The following DPP10 variants were observed in gnomAD, a reference collection of about 807,000 sequenced individuals.
DPP10 encodes inactive dipeptidyl peptidase 10.
DPP10 carries 33 observed loss-of-function variants against 120.9 expected under a neutral mutation model. That is an observed-to-expected ratio of 0.27 (90% CI 0.21 to 0.37). The LOEUF is 0.37. DPP10 is among the 10% of genes least tolerant of loss of function. The probability of loss-of-function intolerance (pLI) is 1.00; values close to 1 mark genes in which losing one functional copy is unlikely to be tolerated. For missense variants in DPP10, 816 were observed against 942.8 expected, an observed-to-expected ratio of 0.87 and a Z score of 1.76; for synonymous variants, 337 against 326.1, an observed-to-expected ratio of 1.03 and a Z score of -0.36.
intron 3 of DPP10, among the ~76,000 whole-genome samples, chr2:115,353,138 T>C (rs62167321): frequency 0.023 from 3,460 of 152,228 alleles, 79 homozygotes; most frequent in Non-Finnish European, 0.034. Context: ...AAACAGATGT[T>C]GCAACTAGGA....
intron 1 of DPP10, among the ~76,000 whole-genome samples, chr2:114,443,573 C>T (rs1573366127): frequency 1.3e-5 from 2 of 151,886 alleles, no homozygotes; most frequent in East Asian, 3.9e-4. Context: ...TCCAAGAAGG[C>T]TTATAAACGA....
chr2:114,460,182 T>TATC (rs1678808358), intron 1 of DPP10, among the ~76,000 whole-genome samples: 1 of 76,150 alleles, frequency 1.3e-5, no homozygotes, highest in Non-Finnish European at 3.4e-5. Flanking sequence ...TCTATCTATC[T>TATC]ATCTATCTAT....
intron 1 of DPP10, among the ~76,000 whole-genome samples, chr2:114,750,174 C>G (rs1486417396): frequency 1.3e-5 from 2 of 151,758 alleles, no homozygotes; most frequent in African/African-American, 4.8e-5. Flanking sequence ...GCAAAAATGT[C>G]ATGAAGGCAA....
chr2:115,484,146 C>CA (rs149781008), intron 3 of DPP10, among the ~76,000 whole-genome samples: 17,476 of 151,156 alleles, frequency 0.12, 2,422 homozygotes, highest in African/African-American at 0.32. Flanking sequence ...TACACCCCCC[C>CA]CCCACACACA....
chr2:115,750,107 A>C, intron 10 of DPP10: 1 of 985,368 alleles, frequency 1.0e-6, no homozygotes, highest in Non-Finnish European at 1.2e-6. Context: ...TGGTCGTGGA[A>C]CACCAGATCT....
chr2:115,514,251 GA>G (rs962927568), intron 4 of DPP10, among the ~76,000 whole-genome samples: 3 of 151,438 alleles, frequency 2.0e-5, no homozygotes, highest in African/African-American at 7.3e-5. Context: ...TTTTTGAGCA[GA>G]ATTTTTTTGA....
chr2:115,774,171 A>G (rs1290632754), intron 13 of DPP10, among the ~76,000 whole-genome samples: 1 of 150,980 alleles, frequency 6.6e-6, no homozygotes, highest in Non-Finnish European at 1.5e-5. Flanking sequence ...ACTCATGGCA[A>G]TTTTAATGTT....
In DPP10 at chr2:114,753,882, C is replaced by T. The variant is rs531762916; in HGVS notation, c.60+311044C>T. Among the ~76,000 whole-genome samples, 84 of 127,018 alleles carry T rather than the reference C, an allele frequency of 6.6e-4. 2 individuals are homozygous for T. The highest frequency in any genetic ancestry group is 6.2e-3 in the Admixed American group (63 of 10,160). 83.3% of individuals were successfully genotyped at this position (127,018 alleles called of 152,430 possible). ...CCAGATGGCGCCACTGAACTCCAGC[C>T]TGGGTGACAGAGTGAGACTCCTTCT... is the stretch of plus-strand genomic sequence containing the variant. On this transcript the variant is annotated intron_variant, in intron 1 of 25. Transcript: ENST00000410059.
chr2:115,726,874 A>G (rs1267429048), intron 7 of DPP10, among the ~76,000 whole-genome samples: 1 of 152,064 alleles, frequency 6.6e-6, no homozygotes, highest in African/African-American at 2.4e-5. Flanking sequence ...CCATGCTAGG[A>G]TACAGGGGCC....
At chr2:114,567,654 A>G (rs920512237) in intron 1 of DPP10, among the ~76,000 whole-genome samples, 15 of 152,210 alleles carry the variant, frequency 9.9e-5, no homozygotes, top group African/African-American at 3.1e-4. Flanking sequence ...TGGTTTCTAC[A>G]TTAGTAGTAA....
chr2:115,212,722 T>C (rs529297157), intron 1 of DPP10, among the ~76,000 whole-genome samples: 3 of 152,260 alleles, frequency 2.0e-5, no homozygotes, highest in South Asian at 4.1e-4. Flanking sequence ...AGATAAAATA[T>C]TACCTTGACA....
Position 115,768,965 on chromosome 2 carries a change from G to A in DPP10, c.1221+561G>A, listed in dbSNP as rs77490414. 6.0e-3 allele frequency among the ~76,000 whole-genome samples: 907 copies of A among 150,948 alleles called. 28 individuals carry two copies. Among genetic ancestry groups the A allele is most frequent in the Admixed American group, 0.046 (699 of 15,148 alleles). On this transcript the variant is annotated intron_variant, in intron 13 of 25. Transcript: ENST00000410059. ...TCTATGTTTTTTTTTTAGACTTTCCGATAAAAAGAGGGGAAAGGTTACTTT... is the reference window on the plus strand; with the variant it reads ...TCTATGTTTTTTTTTTAGACTTTCCAATAAAAAGAGGGGAAAGGTTACTTT...
intron 1 of DPP10, among the ~76,000 whole-genome samples, chr2:115,186,224 T>C (rs1025438320): frequency 6.6e-6 from 1 of 152,272 alleles, no homozygotes; most frequent in Non-Finnish European, 1.5e-5. Context: ...AGCTTTGTTC[T>C]GTTTTACGTG....
intron 21 of DPP10, among the ~76,000 whole-genome samples, chr2:115,817,126 T>C (rs1687327797): frequency 1.3e-5 from 2 of 151,732 alleles, no homozygotes. Flanking sequence ...CGGGCGCCTG[T>C]AGTCCCAGCT....
At chr2:115,768,876 T>C (rs951115679) in intron 13 of DPP10, among the ~76,000 whole-genome samples, 1 of 151,680 alleles carries the variant, frequency 6.6e-6, no homozygotes, top group Non-Finnish European at 1.5e-5. Flanking sequence ...TGCAGATTTT[T>C]AAAAAACAGG....
chr2:114,648,530 G>A (rs1696313722), intron 1 of DPP10, among the ~76,000 whole-genome samples: 1 of 152,090 alleles, frequency 6.6e-6, no homozygotes, highest in Non-Finnish European at 1.5e-5. Flanking sequence ...CCTCCCTGTG[G>A]TCACAAGGAA....
chr2:114,644,368 G>C (rs1162807688), intron 1 of DPP10, among the ~76,000 whole-genome samples: 1 of 150,454 alleles, frequency 6.6e-6, no homozygotes, highest in Non-Finnish European at 1.5e-5. Context: ...GTGTGTGTCT[G>C]TGTGTGTGTG....
intron 5 of DPP10, among the ~76,000 whole-genome samples, chr2:115,676,131 G>A (rs1369282628): frequency 6.6e-6 from 1 of 152,174 alleles, no homozygotes; most frequent in Non-Finnish European, 1.5e-5. Flanking sequence ...ATTTACTCCA[G>A]CAGCAGAGAT....
At chr2:115,322,637 C>T (rs1373364447) in intron 2 of DPP10, among the ~76,000 whole-genome samples, 1 of 152,154 alleles carries the variant, frequency 6.6e-6, no homozygotes, top group East Asian at 1.9e-4. Context: ...TTATATGATT[C>T]ATAATAGTTT....
Sources: gnomAD v4.1 joint callset for allele counts (sites outside exome capture counted in the v4.1 genomes callset) on GRCh38, gnomAD v4.1.1 for gene constraint, MANE v1.5 for transcripts, NCBI Gene and HGNC (gene_info 2026-07-23, HGNC 2026-07-21) for gene names.